Variants in TMED8 observed in about 807,000 individuals in gnomAD.
TMED8 encodes the protein transmembrane p24 trafficking protein family member 8, also known as protein TMED8.
In TMED8, 15 loss-of-function variants were observed where a neutral mutation model predicts 32.7. The ratio of observed to expected loss-of-function variants is 0.46; its 90% CI spans 0.31 to 0.71. The LOEUF (loss-of-function observed/expected upper bound fraction) is 0.71, where lower values mean the gene tolerates loss of function less well. TMED8 is among the 30% of genes least tolerant of loss of function. TMED8 has a pLI of 0.06. For missense variants in TMED8, 390 were observed against 423.9 expected (o/e 0.92, Z 0.70); for synonymous variants, 147 against 161.4 (o/e 0.91, Z 0.68).
intron 2 of TMED8, among the ~76,000 whole-genome samples, chr14:77,347,913 G>T (rs1297621523): frequency 6.6e-6 from 1 of 152,126 alleles, no homozygotes; most frequent in Non-Finnish European, 1.5e-5. Context: ...AGTCTATGAA[G>T]TTCAAACTGT....
At chr14:77,347,936 C>G (rs1161168793) in intron 2 of TMED8, among the ~76,000 whole-genome samples, 1 of 152,152 alleles carries the variant, frequency 6.6e-6, no homozygotes. Flanking sequence ...CATAATAACA[C>G]TAAAATGTTA....
intron 2 of TMED8, among the ~76,000 whole-genome samples, chr14:77,348,094 T>A (rs1305482491): frequency 6.6e-6 from 1 of 152,236 alleles, no homozygotes; most frequent in Non-Finnish European, 1.5e-5. Context: ...AAGAGATTTA[T>A]GTCTCTCTTT....
chr14:77,370,332 A>G (rs1893649096), intron 1 of TMED8, among the ~76,000 whole-genome samples: 1 of 152,202 alleles, frequency 6.6e-6, no homozygotes, highest in Non-Finnish European at 1.5e-5. Context: ...ACTAGCACAA[A>G]AATAATGAAA....
chr14:77,369,619 AG>A (rs1194409552), intron 1 of TMED8, among the ~76,000 whole-genome samples: 5 of 152,222 alleles, frequency 3.3e-5, no homozygotes, highest in African/African-American at 9.7e-5. Flanking sequence ...ATGTACCCTC[AG>A]GAGACAAAAG....
At chr14:77,373,307 A>C (rs570304705) in intron 1 of TMED8, among the ~76,000 whole-genome samples, 280 of 152,038 alleles carry the variant, frequency 1.8e-3, no homozygotes, top group African/African-American at 5.9e-3. Flanking sequence ...AAACTTAAAA[A>C]AAAAACAAAA....
At chr14:77,346,544 CTT>C (rs1893041570) in intron 2 of TMED8, 66 bp from the exon 3 acceptor site, 1 of 1,599,328 alleles carries the variant, frequency 6.3e-7, no homozygotes, top group Admixed American at 1.7e-5. Flanking sequence ...CCTGGAGAAA[CTT>C]TGAAATAAAA....
chr14:77,335,787 C>G lies in TMED8; in HGVS notation c.*5984G>C, dbSNP rs1892747928. 1 of 152,174 alleles carries G rather than the reference C, an allele frequency of 6.6e-6. No homozygotes were observed. Among genetic ancestry groups the G allele is most frequent in the African/African-American group, 2.4e-5 (1 of 41,448 alleles). The allele number at this position is 152,174 out of a possible 1,614,324, so 9.4% of individuals were successfully genotyped here. On this transcript the variant is annotated 3_prime_UTR_variant, in exon 6 of 6. Coordinates refer to ENST00000216468, the MANE Select transcript of TMED8 (RefSeq NM_213601.3). ...GGATTGCTTTCTCTAGACTTGGCTT[C>G]TCTTTAACATGGCTAAATGGAAATA...
rs1300651703 is a variant in TMED8, at chr14:77,346,444, TG to T, written c.231del (p.Thr78ArgfsTer17). 1.2e-6 allele frequency: 2 copies of T among 1,614,070 alleles called. No individual in the cohort carries two copies. Among genetic ancestry groups the T allele is most frequent in the South Asian group, 2.2e-5 (2 of 91,084 alleles). On this transcript the variant is annotated frameshift_variant, in exon 3 of 6. Coordinates refer to ENST00000216468, the MANE Select transcript of TMED8 (RefSeq NM_213601.3). LOFTEE classifies it high-confidence loss of function. ...PQMVSPVSKDATEDLRKATGP... is the reference protein window; with the variant it reads ...PQMVSPVSKDXTEDLRKATGP... ...CCAGTTGCTTTCCGCAGATCTTCCG[TG>T]GCATCCTTACTCACTGGAGATACCA...
intron 1 of TMED8, among the ~76,000 whole-genome samples, chr14:77,368,353 C>T (rs1893603415): frequency 3.3e-5 from 5 of 152,144 alleles, no homozygotes. Context: ...TAGATGTATG[C>T]TAATTTAGTT....
At chr14:77,366,768 A>T (rs569507664) in intron 1 of TMED8, among the ~76,000 whole-genome samples, 22 of 152,314 alleles carry the variant, frequency 1.4e-4, no homozygotes, top group African/African-American at 3.1e-4. Context: ...AATTGCACTG[A>T]ATTATAGAAC....
At position 77,363,708 on chromosome 14, in the gene TMED8, CT is replaced by C. The variant is rs111961346; in HGVS notation, c.119-11958del. Reference sequence around the variant, plus strand: ...AAATAAATAGCCTAACATTATTCCTCTTTTTTTTTTTTAATGTTGCCTAGGC... The same window carrying C: ...AAATAAATAGCCTAACATTATTCCTCTTTTTTTTTTTAATGTTGCCTAGGC... On this transcript the variant is annotated intron_variant, in intron 1 of 5. Transcript: ENST00000216468. Among the ~76,000 whole-genome samples, 720 of 144,400 alleles carry C rather than the reference CT, an allele frequency of 5.0e-3. 1 individual carries two copies. The highest frequency in any genetic ancestry group is 0.012 in the African/African-American group (473 of 39,678). The allele number at this position is 144,400 out of a possible 152,430, so 94.7% of individuals were successfully genotyped here. A position where few individuals can be genotyped will look rare whatever the true frequency, so the allele number is the denominator to read the frequency against.
chr14:77,364,079 A>G (rs1045833325), intron 1 of TMED8, among the ~76,000 whole-genome samples: 1 of 152,240 alleles, frequency 6.6e-6, no homozygotes, highest in African/African-American at 2.4e-5. Context: ...CACACCTGGC[A>G]CATCAGAGTA....
chr14:77,354,614 C>T (rs1449903046), intron 1 of TMED8, among the ~76,000 whole-genome samples: 4 of 152,016 alleles, frequency 2.6e-5, no homozygotes, highest in African/African-American at 4.8e-5. Context: ...ACAAACTAAC[C>T]GTAACCCCAC....
At chr14:77,350,253 T>C (rs190291882) in intron 2 of TMED8, among the ~76,000 whole-genome samples, 55 of 152,334 alleles carry the variant, frequency 3.6e-4, no homozygotes, top group African/African-American at 1.3e-3. Context: ...CAACTTACAG[T>C]TGACGGCAAC....
chr14:77,344,930 T>C (rs973806564), intron 3 of TMED8, among the ~76,000 whole-genome samples: 7 of 152,234 alleles, frequency 4.6e-5, no homozygotes, highest in Non-Finnish European at 8.8e-5. Context: ...TTGCAACATA[T>C]TAGCTACATA....
chr14:77,354,643 G>GTT (rs969139361), intron 1 of TMED8, among the ~76,000 whole-genome samples: 9 of 152,132 alleles, frequency 5.9e-5, no homozygotes, highest in Admixed American at 3.9e-4. Flanking sequence ...GATTACCACT[G>GTT]TTAACTTTTT....
At chr14:77,351,505 C>T (rs1296964594) in intron 2 of TMED8, among the ~76,000 whole-genome samples, 168 bp downstream of exon 2, 1 of 148,738 alleles carries the variant, frequency 6.7e-6, no homozygotes, top group Non-Finnish European at 1.5e-5. Context: ...TCGTGATCCA[C>T]CCGCCTTGGC....
At chr14:77,348,321 C>T (rs1893096641) in intron 2 of TMED8, among the ~76,000 whole-genome samples, 1 of 151,652 alleles carries the variant, frequency 6.6e-6, no homozygotes. Flanking sequence ...CTCCCGGGTT[C>T]ACTCCGTTCT....
At position 77,341,755 on chromosome 14, in the gene TMED8, CT is replaced by C. The variant is rs753464335; in HGVS notation, c.*15del. ...TTCAGCCAGCAAATACAGCCTGCCC[CT>C]GTCCCAGCAGTCCTTCAGCTGGTGT... On this transcript the variant is annotated 3_prime_UTR_variant, in exon 6 of 6. Coordinates refer to ENST00000216468, the MANE Select transcript of TMED8 (RefSeq NM_213601.3). The C allele has an allele frequency of 2.5e-6, 4 of 1,613,664 alleles. No individual in the cohort carries two copies. The South Asian group carries it at 3.3e-5, about 13-fold the overall frequency.
Sources: gnomAD v4.1 joint callset for allele counts (sites outside exome capture counted in the v4.1 genomes callset) on GRCh38, gnomAD v4.1.1 for gene constraint, MANE v1.5 for transcripts, NCBI Gene and HGNC (gene_info 2026-07-23, HGNC 2026-07-21) for gene names.